The following CROCC2 variants were observed in gnomAD, a reference collection of about 807,000 sequenced individuals.
The protein encoded by CROCC2 is ciliary rootlet coiled-coil protein 2.
Under a neutral mutation model 177.6 loss-of-function variants are expected in CROCC2, and 163 were observed. The observed-to-expected ratio is 0.92, with a 90% CI of 0.81 to 1.05. The LOEUF is 1.05. Ranked by LOEUF, CROCC2 falls within the 50% of genes least tolerant of loss-of-function variation. The pLI is 0.00. For synonymous variants in CROCC2, 904 were observed against 787.3 expected (o/e 1.15, Z -2.48); for missense variants, 1,929 against 1,797.8 (o/e 1.07, Z -1.32).
chr2:240,962,649 G>T (rs920038308), intron 20 of CROCC2, among the ~76,000 whole-genome samples: 1 of 152,216 alleles, frequency 6.6e-6, no homozygotes, highest in Admixed American at 6.5e-5. Context: ...TGACATCGCG[G>T]AGTCTTTGTG....
intron 26 of CROCC2, 134 bp from the exon 27 acceptor site, chr2:240,967,995 G>T: frequency 1.1e-6 from 1 of 939,736 alleles, no homozygotes; most frequent in South Asian, 3.1e-5. Flanking sequence ...GCAGCCCCAG[G>T]ACCCTTGAGC....
At chr2:240,975,228 T>C (rs149142132) in intron 27 of CROCC2, among the ~76,000 whole-genome samples, 31 of 152,364 alleles carry the variant, frequency 2.0e-4, no homozygotes, top group African/African-American at 6.5e-4. Context: ...GTAGAATAGA[T>C]GCAGAGGCAG....
chr2:240,929,352 A>G (rs565665950), intron 5 of CROCC2, among the ~76,000 whole-genome samples: 45 of 152,236 alleles, frequency 3.0e-4, no homozygotes, highest in Non-Finnish European at 5.1e-4. Flanking sequence ...CAGAGGTGGT[A>G]GAAACACAGT....
intron 1 of CROCC2, among the ~76,000 whole-genome samples, chr2:240,914,380 G>T (rs1559587625): frequency 6.6e-6 from 1 of 152,198 alleles, no homozygotes; most frequent in Non-Finnish European, 1.5e-5. Context: ...GGAGAGCGTG[G>T]AGAACCCTGC....
intron 1 of CROCC2, among the ~76,000 whole-genome samples, chr2:240,915,174 C>A (rs924000281): frequency 2.6e-5 from 4 of 152,166 alleles, no homozygotes; most frequent in Non-Finnish European, 5.9e-5. Flanking sequence ...GACCTCCCGG[C>A]CCCCCATTCC....
intron 31 of CROCC2, 65 bp downstream of exon 31, chr2:240,991,343 C>T (rs1237967253): frequency 7.0e-6 from 10 of 1,424,106 alleles, no homozygotes; most frequent in African/African-American, 2.9e-5. Flanking sequence ...CAGGGGCAGG[C>T]GGCCCTGGGG....
chr2:240,970,433 G>T (rs1173172541), intron 27 of CROCC2, among the ~76,000 whole-genome samples: 1 of 152,194 alleles, frequency 6.6e-6, no homozygotes, highest in East Asian at 1.9e-4. Flanking sequence ...TCCTTAGGTT[G>T]TTCATAGGAC....
chr2:240,964,210 G>C (rs573871955), intron 21 of CROCC2: 2 of 575,732 alleles, frequency 3.5e-6, no homozygotes, highest in South Asian at 2.0e-5. Flanking sequence ...GTGACAGAGA[G>C]GGGGAGACAG....
Position 240,983,015 on chromosome 2 carries a change from G to A in CROCC2, c.4537G>A (p.Glu1513Lys), listed in dbSNP as rs764608633. ...HRCQKAEVSLEPLRQMEQETL... is the reference protein window; with the variant it reads ...HRCQKAEVSLKPLRQMEQETL... ...GTGCCAGAAGGCTGAGGTATCGCTG[G>A]AGCCCCTGCGACAGGTGAGGGTGAC... is the stretch of plus-strand genomic sequence containing the variant. The change falls in exon 28 of 32, where the codon GAG (glutamate) becomes AAG (lysine). Residue 1513 changes from glutamate to lysine, a missense_variant. Around this residue, in one of 3 missense-constraint regions of CROCC2, gnomAD observed 388 missense variants for 352.7 expected, o/e 1.10. Transcript: ENST00000690015. The A allele has an allele frequency of 8.4e-6, 13 of 1,550,254 alleles. No individual in the cohort carries two copies. The highest frequency in any genetic ancestry group is 8.3e-5 in the South Asian group (7 of 84,012).
At chr2:240,983,709 T>G in intron 28 of CROCC2, 1 of 1,054,998 alleles carries the variant, frequency 9.5e-7, no homozygotes, top group South Asian at 1.3e-5. Context: ...GGCACTAAGC[T>G]CAGGGTCAGG....
intron 27 of CROCC2, among the ~76,000 whole-genome samples, chr2:240,976,227 T>C (rs2059763987): frequency 8.0e-6 from 1 of 124,724 alleles, no homozygotes; most frequent in African/African-American, 3.1e-5. Context: ...GAGCCCAGGC[T>C]CATCCCTGCT....
chr2:240,949,109 G>A lies in CROCC2; in HGVS notation c.2482+12G>A. The A allele has an allele frequency of 6.6e-7, 1 of 1,525,088 alleles. No homozygotes were observed. Among genetic ancestry groups the A allele is most frequent in the Non-Finnish European group, 8.8e-7 (1 of 1,136,486 alleles). 94.5% of individuals were successfully genotyped at this position (1,525,088 alleles called of 1,614,324 possible). ...GCAGGCCTTGCAAGGTGCTCCAAGG[G>A]CGCTCCCTCAGCTCCTTCCCCGAAA... On this transcript the variant is annotated intron_variant, in intron 16 of 31. Coordinates refer to ENST00000690015, the MANE Select transcript of CROCC2 (RefSeq NM_001351305.2). This position sits in a 1 kb window ranked among gnomAD's most constrained non-coding sequence, Gnocchi z 4.5.
Position 240,934,364 on chromosome 2 carries a change from C to T in CROCC2, c.1680C>T (p.Val560=), listed in dbSNP as rs1382088894. The change falls in exon 12 of 32, where the codon GTC becomes GTT. Residue 560 remains valine (V), a synonymous_variant. Transcript: ENST00000690015. ...QGRLQQLEEK[V]SGLREELASV... Reference sequence around the variant, plus strand: ...GCCTGCAGCAGCTGGAGGAGAAGGTCTCCGGGCTCAGAGAGGAGCTGGCAT... The same window carrying T: ...GCCTGCAGCAGCTGGAGGAGAAGGTTTCCGGGCTCAGAGAGGAGCTGGCAT... The T allele has an allele frequency of 1.0e-5, 16 of 1,548,582 alleles. No individual in the cohort carries two copies. The highest frequency in any genetic ancestry group is 1.4e-5 in the Non-Finnish European group (16 of 1,146,894).
chr2:240,971,457 G>C (rs905132875), intron 27 of CROCC2, among the ~76,000 whole-genome samples: 2 of 152,130 alleles, frequency 1.3e-5, no homozygotes, highest in East Asian at 1.9e-4. Flanking sequence ...TCGATTCCAG[G>C]CTCCTTGTTT....
rs911991049 is a variant in CROCC2 at position 240,991,797 on chromosome 2, C to T, written c.4946+519C>T. ...CAGGCTGGCTTCCCCGGCTTCATTC[C>T]GTGCCCTCAGCTCTGTAAACACGGG... On this transcript the variant is annotated intron_variant, in intron 31 of 31. Coordinates refer to ENST00000690015, the MANE Select transcript of CROCC2 (RefSeq NM_001351305.2). 3.9e-5 allele frequency among the ~76,000 whole-genome samples: 6 copies of T among 152,240 alleles called. No individual in the cohort carries two copies. In the East Asian group the frequency reaches 5.8e-4, roughly 15 times the overall value.
chr2:240,942,650 G>A (rs1276403247), intron 14 of CROCC2, among the ~76,000 whole-genome samples: 1 of 152,178 alleles, frequency 6.6e-6, no homozygotes, highest in Non-Finnish European at 1.5e-5. Flanking sequence ...TGGGAAATCA[G>A]AATAGGGATA....
At position 240,926,525 on chromosome 2, in the gene CROCC2, G is replaced by A. The variant is rs540518370; in HGVS notation, c.645+645G>A. On this transcript the variant is annotated intron_variant, in intron 5 of 31. Transcript: ENST00000690015. ...TTCCCAACAGCCCTCCAGCAAAGGGGGACTGGACGCCCAGCCCCTGCATGC... is the reference window on the plus strand; with the variant it reads ...TTCCCAACAGCCCTCCAGCAAAGGGAGACTGGACGCCCAGCCCCTGCATGC... 3.3e-4 allele frequency among the ~76,000 whole-genome samples: 50 copies of A among 152,356 alleles called. No homozygotes were observed. In the East Asian group the frequency reaches 9.3e-3, roughly 28 times the overall value.
intron 26 of CROCC2, among the ~76,000 whole-genome samples, chr2:240,967,808 C>G (rs528332889): frequency 6.6e-6 from 1 of 152,232 alleles, no homozygotes; most frequent in South Asian, 2.1e-4. Flanking sequence ...CTGGCACCCT[C>G]TCCCCCAGAC....
intron 31 of CROCC2, among the ~76,000 whole-genome samples, chr2:240,991,708 G>T (rs533129447): frequency 6.6e-6 from 1 of 152,166 alleles, no homozygotes; most frequent in African/African-American, 2.4e-5. Flanking sequence ...GCCTGCCCCC[G>T]CCTGGCACTC....
Sources: allele counts gnomAD v4.1 joint callset (sites outside exome capture counted in the v4.1 genomes callset), GRCh38; gene constraint gnomAD v4.1.1; regional missense constraint gnomAD v4.1.1; non-coding constraint Gnocchi (gnomAD v3.1); transcripts MANE v1.5; gene names NCBI Gene and HGNC (gene_info 2026-07-23, HGNC 2026-07-21).